SLC16A5: variants seen among roughly 807,000 people sequenced by gnomAD.
SLC16A5 encodes monocarboxylate transporter 6.
A neutral mutation model predicts 33.2 loss-of-function variants in SLC16A5; 29 were observed. The observed-to-expected ratio is 0.87, with a 90% CI of 0.65 to 1.19. The LOEUF (loss-of-function observed/expected upper bound fraction) is 1.19. Among genes scored for constraint, SLC16A5 ranks in the 50% most tolerant of loss-of-function variants. The probability of loss-of-function intolerance (pLI) is 0.00; values close to 1 mark genes in which losing one functional copy is unlikely to be tolerated. For missense variants in SLC16A5, 606 were observed against 678.2 expected (o/e 0.89, Z 1.18); for synonymous variants, 248 against 284.1 (o/e 0.87, Z 1.28).
At position 75,100,557 on chromosome 17, in the gene SLC16A5, G is replaced by A. The variant is rs141449807; in HGVS notation, c.894G>A (p.Pro298=). The change falls in exon 5 of 7, where the codon CCG becomes CCA. Residue 298 remains proline, a synonymous_variant. Transcript: ENST00000329783. ...RPLAGLMAGR[P]AFASHRKYLF... is the part of the protein sequence containing the mutation. Reference sequence around the variant, plus strand: ...TAGCCGGGCTGATGGCAGGACGGCCGGCCTTTGCTAGCCACCGCAAGTACC... The same window carrying A: ...TAGCCGGGCTGATGGCAGGACGGCCAGCCTTTGCTAGCCACCGCAAGTACC... 8.9e-5 allele frequency: 144 copies of A among 1,614,096 alleles called. No individual in the cohort carries two copies. Among genetic ancestry groups the A allele is most frequent in the South Asian group, 3.5e-4 (32 of 91,090 alleles).
chr17:75,104,594 G>A (rs2073841151), intron 6 of SLC16A5: 1 of 572,578 alleles, frequency 1.7e-6, no homozygotes, highest in South Asian at 7.6e-5. Context: ...TGAGATTACA[G>A]GCATGCGCCA....
At chr17:75,107,202 A>AGGT (rs10665978), downstream of SLC16A5, among the ~76,000 whole-genome samples, 74,116 of 151,256 alleles carry the variant, frequency 0.49, 22,125 homozygotes, top group South Asian at 0.66. Flanking sequence ...CAGGAGGCAG[A>AGGT]GGTGGGAGGA....
chr17:75,104,764 C>G (rs2073842909), intron 6 of SLC16A5: 1 of 985,260 alleles, frequency 1.0e-6, no homozygotes, highest in Non-Finnish European at 1.2e-6. Flanking sequence ...GAACCCTTTT[C>G]TAACAACTAG....
chr17:75,093,705 C>A lies in SLC16A5; in HGVS notation c.69C>A (p.Thr23=). 1.9e-6 allele frequency: 3 copies of A among 1,613,970 alleles called. No individual in the cohort carries two copies. The highest frequency in any genetic ancestry group is 2.5e-6 in the Non-Finnish European group (3 of 1,179,946). Residue 23 remains threonine (T), a synonymous_variant, in exon 3 of 7, where the codon ACC becomes ACA. Transcript: ENST00000329783. The part of the protein sequence containing the change: ...AWVVLLATMV[T]QGLTLGFPTC... The stretch of plus-strand genomic sequence containing the variant: ...TGGTGCTGCTGGCCACCATGGTGAC[C>A]CAGGGCCTCACCCTGGGCTTCCCCA...
In SLC16A5 at chr17:75,106,040, T is replaced by G. The variant is rs1201002953; in HGVS notation, c.*7T>G. On this transcript the variant is annotated 3_prime_UTR_variant, in exon 7 of 7. Transcript: ENST00000329783. Reference sequence around the variant, plus strand: ...CTGGAATAGCCCTACCTGAGTGCCCTGTTTGACTCCGCCACTATCTGCCAT... The same window carrying G: ...CTGGAATAGCCCTACCTGAGTGCCCGGTTTGACTCCGCCACTATCTGCCAT... 2.1e-6 allele frequency: 3 copies of G among 1,441,392 alleles called. No homozygotes were observed. Among genetic ancestry groups the G allele is most frequent in the Non-Finnish European group, 2.9e-6 (3 of 1,047,418 alleles). 89.3% of individuals were successfully genotyped at this position (1,441,392 alleles called of 1,614,324 possible). A position where few individuals can be genotyped will look rare whatever the true frequency, so the allele number is the denominator to read the frequency against.
intron 3 of SLC16A5, among the ~76,000 whole-genome samples, chr17:75,097,631 G>A (rs8081893): frequency 0.68 from 103,566 of 151,732 alleles, 35,997 homozygotes; most frequent in Non-Finnish European, 0.73. Flanking sequence ...GCACACTGTA[G>A]TCTAGATGTC....
intron 5 of SLC16A5, among the ~76,000 whole-genome samples, chr17:75,101,866 C>T (rs114656300): frequency 0.023 from 3,501 of 152,188 alleles, 128 homozygotes; most frequent in African/African-American, 0.08. Context: ...AACCCCTAGG[C>T]TCAAGTGATC....
chr17:75,108,132 G>A (rs996483274), downstream of SLC16A5, among the ~76,000 whole-genome samples: 7 of 152,106 alleles, frequency 4.6e-5, no homozygotes, highest in African/African-American at 1.4e-4. Context: ...ACCAATGAGG[G>A]AAGATGGGGT....
chr17:75,099,286 T>A (rs1232593780), intron 4 of SLC16A5, among the ~76,000 whole-genome samples: 2 of 152,170 alleles, frequency 1.3e-5, no homozygotes, highest in East Asian at 3.9e-4. Context: ...CAGCCTGAGA[T>A]GGCATCTGAG....
At chr17:75,087,544 C>CGCA (rs1284167681), upstream of SLC16A5, among the ~76,000 whole-genome samples, 1 of 152,166 alleles carries the variant, frequency 6.6e-6, no homozygotes, top group Non-Finnish European at 1.5e-5. Context: ...CACCGGCAGG[C>CGCA]GCAGCCCTCA....
intron 4 of SLC16A5, among the ~76,000 whole-genome samples, chr17:75,099,312 G>A (rs1381348494): frequency 1.3e-5 from 2 of 152,152 alleles, no homozygotes; most frequent in Admixed American, 6.5e-5. Flanking sequence ...GGCTGGAGCC[G>A]GACCACAGAG....
At chr17:75,099,881 C>G (rs2073767424) in intron 4 of SLC16A5, 126 bp from the exon 5 acceptor site, 2 of 908,878 alleles carry the variant, frequency 2.2e-6, no homozygotes, top group Non-Finnish European at 3.2e-6. Flanking sequence ...TCCCCAGGGA[C>G]TTGGAGCTGG....
At chr17:75,110,123 C>A, downstream of SLC16A5, 1 of 656,908 alleles carries the variant, frequency 1.5e-6, no homozygotes, top group Non-Finnish European at 2.6e-6. Context: ...TATCCCATTT[C>A]CAGCTGCAAA....
chr17:75,095,664 A>G (rs1258483124), intron 3 of SLC16A5, among the ~76,000 whole-genome samples: 1 of 143,196 alleles, frequency 7.0e-6, no homozygotes, highest in African/African-American at 2.6e-5. Context: ...CACCCAGCTA[A>G]TTTTTTTTTT....
intron 2 of SLC16A5, among the ~76,000 whole-genome samples, chr17:75,092,642 T>G (rs189523395): frequency 2.2e-4 from 33 of 152,180 alleles, no homozygotes; most frequent in Middle Eastern, 6.8e-3. Context: ...TGTCTTTATA[T>G]GAGTTTGTGT....
At chr17:75,101,926 C>T (rs541959801) in intron 5 of SLC16A5, among the ~76,000 whole-genome samples, 1 of 152,068 alleles carries the variant, frequency 6.6e-6, no homozygotes, top group Non-Finnish European at 1.5e-5. Context: ...TGAGCCATTG[C>T]GCCTGGCCAC....
At chr17:75,090,227 G>T (rs1439891202) in intron 2 of SLC16A5, 1 of 152,210 alleles carries the variant, frequency 6.6e-6, no homozygotes, top group Admixed American at 6.5e-5. Context: ...GGGATTACAG[G>T]TGTGAGCCAC....
rs2073678539 is a variant in SLC16A5 at position 75,093,825 on chromosome 17, C to T, written c.189C>T (p.Leu63=). 1.9e-6 allele frequency: 3 copies of T among 1,613,990 alleles called. No individual in the cohort carries two copies. Among genetic ancestry groups the T allele is most frequent in the East Asian group, 4.5e-5 (2 of 44,886 alleles). ...TCCCCTCCATCCTCACGGCTGTGCTCCACATGGCAGGTGAGCGGCCTAGGG... is the reference window on the plus strand; with the variant it reads ...TCCCCTCCATCCTCACGGCTGTGCTTCACATGGCAGGTGAGCGGCCTAGGG... ...SWFPSILTAV[L]HMAGPLCSIL... Residue 63 remains leucine (L), a synonymous_variant, in exon 3 of 7, where the codon CTC becomes CTT. Coordinates refer to ENST00000329783, the MANE Select transcript of SLC16A5 (RefSeq NM_004695.4).
chr17:75,107,338 A>G (rs541766001), downstream of SLC16A5, among the ~76,000 whole-genome samples: 7 of 152,246 alleles, frequency 4.6e-5, no homozygotes, highest in African/African-American at 1.7e-4. Flanking sequence ...TGTTCTGCAT[A>G]GGAAACTTTC....
Sources: allele counts gnomAD v4.1 joint callset (sites outside exome capture counted in the v4.1 genomes callset), GRCh38; gene constraint gnomAD v4.1.1; transcripts MANE v1.5; gene names NCBI Gene and HGNC (gene_info 2026-07-23, HGNC 2026-07-21).